Variants in DAG1 observed in about 807,000 individuals in gnomAD.
The protein encoded by DAG1 is dystroglycan 1 (dystrophin-associated glycoprotein 1).
DAG1 carries 8 observed loss-of-function variants against 46.1 expected under a neutral mutation model. The observed-to-expected ratio is 0.17, with a 90% CI of 0.10 to 0.31. The LOEUF (loss-of-function observed/expected upper bound fraction) is 0.31, where lower values mean the gene tolerates loss of function less well. Ranked by LOEUF, DAG1 falls within the 10% of genes least tolerant of loss-of-function variation. The probability of loss-of-function intolerance (pLI) is 1.00; values close to 1 mark genes in which losing one functional copy is unlikely to be tolerated. For synonymous variants in DAG1, 495 were observed against 481.8 expected (o/e 1.03, Z -0.36); for missense variants, 1,003 against 1,189.9 (o/e 0.84, Z 2.31).
chr3:49,531,049 T>C lies in DAG1; in HGVS notation c.538T>C (p.Ser180Pro), dbSNP rs1213953228. 1.2e-6 allele frequency: 2 copies of C among 1,614,084 alleles called. No individual in the cohort carries two copies. The highest frequency in any genetic ancestry group is 2.2e-5 in the South Asian group (2 of 91,092). The change falls in exon 3 of 3, where the codon TCT (serine) becomes CCT (proline). Residue 180 changes from serine (S) to proline (P), a missense_variant. Around this residue, in one of 3 missense-constraint regions of DAG1, gnomAD observed 196 missense variants for 239.1 expected, o/e 0.82. Coordinates refer to ENST00000308775, the MANE Select transcript of DAG1 (RefSeq NM_004393.6). This position sits in a 1 kb window ranked among gnomAD's most constrained non-coding sequence, Gnocchi z 7.0. Reference sequence around the variant, plus strand: ...CCCAGACCCTGGTGAGGTGGTATCATCTGCCTGTGCTGCGGATGAACCTGT... The same window carrying C: ...CCCAGACCCTGGTGAGGTGGTATCACCTGCCTGTGCTGCGGATGAACCTGT... ...ASPDPGEVVS[S>P]ACAADEPVTV...
In DAG1 at chr3:49,532,592, A is replaced by G. The variant is rs1381150327; in HGVS notation, c.2081A>G (p.Asn694Ser). The part of the protein sequence containing the change: ...DDGKPRPAFS[N>S]ALEPDFKATS... The stretch of plus-strand genomic sequence containing the variant: ...GGAAAACCTCGGCCTGCCTTCTCCA[A>G]CGCCCTAGAGCCTGACTTTAAGGCC... Residue 694 changes from asparagine (N) to serine (S), a missense_variant, in exon 3 of 3, where the codon AAC becomes AGC. Asn to Ser is a conservative substitution (Grantham distance 46). Around this residue, in one of 3 missense-constraint regions of DAG1, gnomAD observed 755 missense variants for 854.1 expected, o/e 0.88. Transcript: ENST00000308775. This position sits in a 1 kb window ranked among gnomAD's most constrained non-coding sequence, Gnocchi z 5.4. 1 of 1,612,520 alleles carries G rather than the reference A, an allele frequency of 6.2e-7. No homozygotes were observed. Among genetic ancestry groups the G allele is most frequent in the Middle Eastern group, 1.7e-4 (1 of 6,058 alleles).
At chr3:49,472,000 G>A (rs2049534313) in intron 1 of DAG1, among the ~76,000 whole-genome samples, 1 of 152,188 alleles carries the variant, frequency 6.6e-6, no homozygotes, top group Non-Finnish European at 1.5e-5. Flanking sequence ...GGAACCACAT[G>A]TACATGAGCA....
At chr3:49,473,439 CAAAA>C (rs1018663044) in intron 1 of DAG1, among the ~76,000 whole-genome samples, 1 of 151,512 alleles carries the variant, frequency 6.6e-6, no homozygotes, top group African/African-American at 2.4e-5. Context: ...AAAAAAAACA[CAAAA>C]AAAACACAAA....
At chr3:49,472,250 A>G (rs1368734968) in intron 1 of DAG1, among the ~76,000 whole-genome samples, 1 of 152,092 alleles carries the variant, frequency 6.6e-6, no homozygotes, top group Non-Finnish European at 1.5e-5. Context: ...GGGAGGGAGA[A>G]GGAGCCATCA....
At chr3:49,521,756 G>C (rs2051032783) in intron 2 of DAG1, among the ~76,000 whole-genome samples, 1 of 152,232 alleles carries the variant, frequency 6.6e-6, no homozygotes, top group African/African-American at 2.4e-5. Context: ...GCTGGAGGGA[G>C]TGTCCCAGAG....
At chr3:49,530,169 TG>T (rs2051300508) in intron 2 of DAG1, among the ~76,000 whole-genome samples, 1 of 152,154 alleles carries the variant, frequency 6.6e-6, no homozygotes, top group Non-Finnish European at 1.5e-5. Context: ...GCAGGGTAAA[TG>T]AAAACATTAG....
rs760924685 is a variant in DAG1 at position 49,531,747 on chromosome 3, G to T, written c.1236G>T (p.Glu412Asp). The T allele has an allele frequency of 3.1e-6, 5 of 1,613,814 alleles. No individual in the cohort carries two copies. The Admixed American group carries it at 8.3e-5, about 27-fold the overall frequency. The change falls in exon 3 of 3, where the codon GAG becomes GAT. Residue 412 changes from glutamate (E) to aspartate (D), a missense_variant. Glu to Asp is a conservative substitution (Grantham distance 45). Around this residue, in one of 3 missense-constraint regions of DAG1, gnomAD observed 755 missense variants for 854.1 expected, o/e 0.88. Coordinates refer to ENST00000308775, the MANE Select transcript of DAG1 (RefSeq NM_004393.6). This position sits in a 1 kb window ranked among gnomAD's most constrained non-coding sequence, Gnocchi z 7.0. ...CGATGACCATTCCTGGCTATGTGGA[G>T]CCTACTGCAGTTGCTACCCCTCCCA... ...RPTMTIPGYV[E>D]PTAVATPPTT...
chr3:49,510,313 T>C lies in DAG1; in HGVS notation c.-116-106T>C, dbSNP rs2050727284. The C allele has an allele frequency of 4.9e-6, 3 of 606,212 alleles. No homozygotes were observed. The Admixed American group carries it at 8.7e-5, about 18-fold the overall frequency. 37.6% of individuals were successfully genotyped at this position (606,212 alleles called of 1,614,324 possible). On this transcript the variant is annotated intron_variant, in intron 1 of 2. Coordinates refer to ENST00000308775, the MANE Select transcript of DAG1 (RefSeq NM_004393.6). The stretch of plus-strand genomic sequence containing the variant: ...TAAGAGACCATGGGGGTAAGAGGCT[T>C]GATCCAACTCGGGGTAGATGTTTTT...
chr3:49,511,106 C>G, intron 2 of DAG1: 1 of 450,122 alleles, frequency 2.2e-6, no homozygotes, highest in Non-Finnish European at 2.9e-6. Context: ...AGGTCTGTCA[C>G]GTGTATAGGG....
chr3:49,506,802 A>G (rs1485363991), intron 1 of DAG1, among the ~76,000 whole-genome samples: 1 of 152,234 alleles, frequency 6.6e-6, no homozygotes, highest in East Asian at 1.9e-4. Flanking sequence ...TGATATCAGG[A>G]TAATGCTACC....
At chr3:49,524,690 G>A (rs1361113468) in intron 2 of DAG1, among the ~76,000 whole-genome samples, 2 of 149,026 alleles carry the variant, frequency 1.3e-5, no homozygotes, top group Non-Finnish European at 3.0e-5. Context: ...TCAAAAAAAT[G>A]TATATTTAAG....
chr3:49,477,935 C>G (rs2049728749), intron 1 of DAG1, among the ~76,000 whole-genome samples: 1 of 150,106 alleles, frequency 6.7e-6, no homozygotes, highest in South Asian at 2.1e-4. Context: ...ACACTCCAGC[C>G]TGGGCAACAA....
intron 2 of DAG1, among the ~76,000 whole-genome samples, chr3:49,519,264 C>G (rs1335762891): frequency 1.3e-5 from 2 of 152,176 alleles, no homozygotes; most frequent in Admixed American, 1.3e-4. Context: ...TCATGAAATG[C>G]CCAGGCTGCC....
rs377126715 is a variant in DAG1 at position 49,503,779 on chromosome 3, GA to G, written c.-116-6639del. Among the ~76,000 whole-genome samples, 18 of 150,452 alleles carry G rather than the reference GA, an allele frequency of 1.2e-4. No individual in the cohort carries two copies. In the East Asian group the frequency reaches 2.6e-3, roughly 21 times the overall value. On this transcript the variant is annotated intron_variant, in intron 1 of 2. Transcript: ENST00000308775. ...GGAGGTCGAGGCTGCAGTGAGCTGT[GA>G]TTGTGCCATTGTACTCCAGCCTGGG...
At chr3:49,497,853 C>G (rs1168747646) in intron 1 of DAG1, among the ~76,000 whole-genome samples, 2 of 152,086 alleles carry the variant, frequency 1.3e-5, no homozygotes, top group Non-Finnish European at 2.9e-5. Flanking sequence ...GGGTTTTGAA[C>G]CTTGCTTTTC....
At chr3:49,519,610 T>C (rs2050978520) in intron 2 of DAG1, among the ~76,000 whole-genome samples, 2 of 152,322 alleles carry the variant, frequency 1.3e-5, no homozygotes, top group East Asian at 3.9e-4. Flanking sequence ...ATGGACCCCT[T>C]GTGAACAAAG....
At chr3:49,472,033 C>T (rs2049535057) in intron 1 of DAG1, among the ~76,000 whole-genome samples, 1 of 152,198 alleles carries the variant, frequency 6.6e-6, no homozygotes, top group Non-Finnish European at 1.5e-5. Flanking sequence ...CTTGGGAGTC[C>T]TCCAGCTTGG....
intron 1 of DAG1, among the ~76,000 whole-genome samples, chr3:49,510,028 T>G (rs973408241): frequency 6.6e-6 from 1 of 152,364 alleles, no homozygotes; most frequent in East Asian, 1.9e-4. Context: ...GGTGCCCGTC[T>G]TGTTTAATAC....
chr3:49,501,119 C>T (rs761607289), intron 1 of DAG1, among the ~76,000 whole-genome samples: 4 of 152,178 alleles, frequency 2.6e-5, no homozygotes, highest in Non-Finnish European at 4.4e-5. Context: ...CCCTGAACAT[C>T]GCCTGCCTGC....
Sources: gnomAD v4.1 joint callset for allele counts (sites outside exome capture counted in the v4.1 genomes callset) on GRCh38, gnomAD v4.1.1 for gene constraint, gnomAD v4.1.1 regional missense constraint, Gnocchi (gnomAD v3.1) non-coding constraint, MANE v1.5 for transcripts, NCBI Gene and HGNC (gene_info 2026-07-23, HGNC 2026-07-21) for gene names.